Variants in KCNK13 observed in about 807,000 individuals in gnomAD.
KCNK13 encodes the protein potassium channel subfamily K member 13.
KCNK13 carries 12 observed loss-of-function variants against 23.4 expected under a neutral mutation model. The observed-to-expected ratio is 0.51, with a 90% CI of 0.33 to 0.83. The LOEUF (loss-of-function observed/expected upper bound fraction) is 0.83, where lower values mean the gene tolerates loss of function less well. Ranked by LOEUF, KCNK13 falls within the 40% of genes least tolerant of loss-of-function variation. The pLI, the probability that KCNK13 is intolerant of heterozygous loss-of-function variation, is 0.02. For missense variants in KCNK13, 463 were observed against 556.3 expected, an observed-to-expected ratio of 0.83 and a Z score of 1.69; for synonymous variants, 231 against 229.5, an observed-to-expected ratio of 1.01 and a Z score of -0.06.
chr14:90,117,418 C>T (rs1033400223), intron 1 of KCNK13, among the ~76,000 whole-genome samples: 3 of 151,886 alleles, frequency 2.0e-5, no homozygotes, highest in Non-Finnish European at 4.4e-5. Flanking sequence ...GATGAAACCC[C>T]GTCTCTACTC....
At chr14:90,103,761 C>T (rs752572200) in intron 1 of KCNK13, among the ~76,000 whole-genome samples, 12 of 152,124 alleles carry the variant, frequency 7.9e-5, no homozygotes, top group Non-Finnish European at 1.2e-4. Flanking sequence ...CGGGGTTTCA[C>T]CATGTTAACC....
At chr14:90,181,114 C>T (rs966188966) in intron 1 of KCNK13, among the ~76,000 whole-genome samples, 1 of 152,196 alleles carries the variant, frequency 6.6e-6, no homozygotes, top group Non-Finnish European at 1.5e-5. Flanking sequence ...CTCGGCCTCC[C>T]AAACTGCTGG....
chr14:90,161,127 A>T (rs1890248796), intron 1 of KCNK13, among the ~76,000 whole-genome samples: 1 of 152,208 alleles, frequency 6.6e-6, no homozygotes, highest in Non-Finnish European at 1.5e-5. Context: ...AGAAGGAATG[A>T]AATTCTGATC....
At chr14:90,162,180 G>C (rs1890259015) in intron 1 of KCNK13, among the ~76,000 whole-genome samples, 1 of 151,946 alleles carries the variant, frequency 6.6e-6, no homozygotes, top group South Asian at 2.1e-4. Flanking sequence ...CCCTCTCTCA[G>C]AAAAAACAAA....
intron 1 of KCNK13, among the ~76,000 whole-genome samples, chr14:90,142,255 ATTTATT>A (rs1189790853): frequency 7.0e-6 from 1 of 142,658 alleles, no homozygotes; most frequent in Non-Finnish European, 1.5e-5. Flanking sequence ...TCATTTTGAG[ATTTATT>A]TATATTGTTA....
At chr14:90,110,129 C>T (rs1429935524) in intron 1 of KCNK13, among the ~76,000 whole-genome samples, 4 of 152,226 alleles carry the variant, frequency 2.6e-5, no homozygotes, top group African/African-American at 7.2e-5. Context: ...GTAGGGGCAG[C>T]GTTGCCCCTG....
chr14:90,127,816 C>CT (rs1566956495), intron 1 of KCNK13, among the ~76,000 whole-genome samples: 18 of 42,184 alleles, frequency 4.3e-4, no homozygotes, highest in African/African-American at 1.2e-3. Context: ...AAGATGCTAT[C>CT]TAAAAAAAAA....
At chr14:90,148,266 A>G (rs1890096565) in intron 1 of KCNK13, among the ~76,000 whole-genome samples, 1 of 152,144 alleles carries the variant, frequency 6.6e-6, no homozygotes, top group African/African-American at 2.4e-5. Flanking sequence ...GTAGCACCAC[A>G]CTATTAATCC....
chr14:90,098,935 G>A (rs1171681885), intron 1 of KCNK13, among the ~76,000 whole-genome samples: 5 of 151,970 alleles, frequency 3.3e-5, no homozygotes, highest in South Asian at 4.1e-4. Context: ...AAAATTAGCC[G>A]GGCGTGATGG....
At chr14:90,179,845 T>C (rs1466916534) in intron 1 of KCNK13, among the ~76,000 whole-genome samples, 1 of 152,226 alleles carries the variant, frequency 6.6e-6, no homozygotes. Context: ...AAGAGACATA[T>C]ATACATTCAG....
chr14:90,107,783 C>T lies in KCNK13; in HGVS notation c.334+45244C>T, dbSNP rs1889564344. ...GACCCAAGAGATCCTCAGTCAACTG[C>T]CCATCAAACAAGGGCTTCTGGAATT... is the stretch of plus-strand genomic sequence containing the variant. On this transcript the variant is annotated intron_variant, in intron 1 of 1. Coordinates refer to ENST00000282146, the MANE Select transcript of KCNK13 (RefSeq NM_022054.4). 7.1e-6 allele frequency: 6 copies of T among 842,282 alleles called. No homozygotes were observed. The East Asian group carries it at 1.5e-4, about 21-fold the overall frequency. 52.2% of individuals were successfully genotyped at this position (842,282 alleles called of 1,614,324 possible).
Position 90,062,499 on chromosome 14 carries a change from C to A in KCNK13, c.294C>A (p.Thr98=). ...VDNVRPRWDF[T]GAFYFVGTVV... is the part of the protein sequence containing the mutation. ...ACGTCCGCCCGCGCTGGGACTTCAC[C>A]GGCGCCTTCTACTTCGTGGGCACCG... Residue 98 remains threonine (T), a synonymous_variant, in exon 1 of 2, where the codon ACC becomes ACA. Transcript: ENST00000282146. This position sits in a 1 kb window ranked among gnomAD's most constrained non-coding sequence, Gnocchi z 4.5. The A allele has an allele frequency of 6.5e-7, 1 of 1,532,830 alleles. No homozygotes were observed. Among genetic ancestry groups the A allele is most frequent in the Non-Finnish European group, 8.8e-7 (1 of 1,139,692 alleles). The allele number at this position is 1,532,830 out of a possible 1,614,324, so 95.0% of individuals were successfully genotyped here. A position where few individuals can be genotyped will look rare whatever the true frequency, so the allele number is the denominator to read the frequency against.
chr14:90,178,231 C>CAA (rs34726346), intron 1 of KCNK13, among the ~76,000 whole-genome samples: 2,743 of 75,204 alleles, frequency 0.036, 24 homozygotes, highest in Non-Finnish European at 0.053. Context: ...TTCCTAAAAG[C>CAA]AAAAAAAAAA....
Position 90,166,287 on chromosome 14 carries a change from C to G in KCNK13, c.335-17824C>G, listed in dbSNP as rs377526615. ...GAAGAACTGTATTGATAGCGGTAAC[C>G]GCTGCAAAATGATAGCTCAAGCACA... On this transcript the variant is annotated intron_variant, in intron 1 of 1. Transcript: ENST00000282146. Among the ~76,000 whole-genome samples the G allele has an allele frequency of 7.2e-5, 11 of 152,316 alleles. No homozygotes were observed. The East Asian group carries it at 9.6e-4, about 13-fold the overall frequency.
intron 1 of KCNK13, among the ~76,000 whole-genome samples, chr14:90,105,666 T>C (rs1889535701): frequency 1.3e-5 from 2 of 152,144 alleles, no homozygotes; most frequent in Admixed American, 1.3e-4. Context: ...TTTTTTTTCC[T>C]TTTGGCCATT....
intron 1 of KCNK13, among the ~76,000 whole-genome samples, chr14:90,183,189 A>C (rs997698023): frequency 3.3e-5 from 5 of 152,248 alleles, no homozygotes; most frequent in African/African-American, 1.2e-4. Flanking sequence ...GTGAACAGTT[A>C]GAGGCAAAGG....
intron 1 of KCNK13, among the ~76,000 whole-genome samples, chr14:90,176,534 T>C (rs1890423814): frequency 6.6e-6 from 1 of 152,216 alleles, no homozygotes; most frequent in African/African-American, 2.4e-5. Context: ...GCCAATTCTT[T>C]TGTAGTTTCA....
At chr14:90,111,565 G>A (rs1157925324) in intron 1 of KCNK13, among the ~76,000 whole-genome samples, 1 of 152,074 alleles carries the variant, frequency 6.6e-6, no homozygotes, top group Non-Finnish European at 1.5e-5. Context: ...GGAAGACAGT[G>A]AAATGTTCGC....
At chr14:90,180,577 T>G (rs1890473372) in intron 1 of KCNK13, among the ~76,000 whole-genome samples, 1 of 152,118 alleles carries the variant, frequency 6.6e-6, no homozygotes, top group South Asian at 2.1e-4. Context: ...CAGTCATCCA[T>G]CAAACAGTAG....
Sources: gnomAD v4.1 joint callset for allele counts (sites outside exome capture counted in the v4.1 genomes callset) on GRCh38, gnomAD v4.1.1 for gene constraint, Gnocchi (gnomAD v3.1) non-coding constraint, MANE v1.5 for transcripts, NCBI Gene and HGNC (gene_info 2026-07-23, HGNC 2026-07-21) for gene names.